PINLYP: variants seen among roughly 807,000 people sequenced by gnomAD.
The protein encoded by PINLYP is phospholipase A2 inhibitor and LY6/PLAUR domain containing.
Under a neutral mutation model 15.8 loss-of-function variants are expected in PINLYP, and 12 were observed. That is an observed-to-expected ratio of 0.76 (90% CI 0.49 to 1.23). PINLYP has a LOEUF of 1.23. Among genes scored for constraint, PINLYP ranks in the 50% most tolerant of loss-of-function variants. PINLYP has a pLI of 0.00. For synonymous variants in PINLYP, 93 were observed against 97.7 expected, an observed-to-expected ratio of 0.95 and a Z score of 0.28; for missense variants, 278 against 264.2, an observed-to-expected ratio of 1.05 and a Z score of -0.36.
chr19:43,578,376 C>T (rs941362877), intron 2 of PINLYP, among the ~76,000 whole-genome samples: 1 of 152,190 alleles, frequency 6.6e-6, no homozygotes, highest in African/African-American at 2.4e-5. Context: ...ATGGTGGAGT[C>T]GCTTCCCGCC....
In PINLYP at chr19:43,575,899, A is replaced by AT. The variant is rs1291614519; in HGVS notation, c.-1092dup. 6.5e-6 allele frequency: 1 copy of AT among 152,746 alleles called. No individual in the cohort carries two copies. The highest frequency in any genetic ancestry group is 1.5e-5 in the Non-Finnish European group (1 of 68,530). 9.5% of individuals were successfully genotyped at this position (152,746 alleles called of 1,614,324 possible). A position where few individuals can be genotyped will look rare whatever the true frequency, so the allele number is the denominator to read the frequency against. ...TTTTTGCTGTATTATTATTTATTTT[A>AT]TTTTTTAAAAATTTTTTGTTGAGAC... is the stretch of plus-strand genomic sequence containing the variant. On this transcript the variant is annotated 5_prime_UTR_variant, in exon 1 of 6. It removes the in-frame stop codon of an upstream open reading frame in the 5' UTR. Transcript: ENST00000599207.
intron 2 of PINLYP, 138 bp downstream of exon 2, chr19:43,577,399 G>A (rs1033094833): frequency 1.0e-6 from 1 of 980,402 alleles, no homozygotes; most frequent in Non-Finnish European, 1.4e-6. Flanking sequence ...TGGAAATTCA[G>A]ATTCATGGAA....
chr19:43,578,463 C>A, intron 2 of PINLYP, 127 bp from the exon 3 acceptor site: 2 of 612,540 alleles, frequency 3.3e-6, no homozygotes, highest in Non-Finnish European at 5.7e-6. Flanking sequence ...TGGTCAACAT[C>A]CCGCCCATGA....
intron 3 of PINLYP, 85 bp downstream of exon 3, chr19:43,578,791 CAT>C: frequency 9.4e-7 from 1 of 1,061,550 alleles, no homozygotes; most frequent in Non-Finnish European, 1.4e-6. Context: ...GGGGGATCAT[CAT>C]GGTTCTCAAG....
chr19:43,575,711 C>A, upstream of PINLYP: 1 of 392,648 alleles, frequency 2.5e-6, no homozygotes, highest in Non-Finnish European at 4.6e-6. Flanking sequence ...CCTCCCTCCG[C>A]CACACACAAC....
At chr19:43,578,790 T>C (rs1188445212) in intron 3 of PINLYP, 84 bp downstream of exon 3, 1 of 1,057,226 alleles carries the variant, frequency 9.5e-7, no homozygotes, top group Middle Eastern at 2.0e-4. Flanking sequence ...GGGGGGATCA[T>C]CATGGTTCTC....
intron 4 of PINLYP, 31 bp downstream of exon 4, chr19:43,581,395 C>G (rs895202124): frequency 4.8e-5 from 73 of 1,535,684 alleles, no homozygotes; most frequent in Non-Finnish European, 6.0e-5. Flanking sequence ...GGTGTGTGCT[C>G]TGGCTCTCCA....
intron 3 of PINLYP, chr19:43,580,603 C>G: frequency 1.1e-6 from 1 of 898,048 alleles, no homozygotes; most frequent in South Asian, 5.4e-5. Flanking sequence ...CCCGGAAGGA[C>G]AGGGAGAGAG....
At chr19:43,580,524 TGAG>T (rs1159692893) in intron 3 of PINLYP, 2 of 981,146 alleles carry the variant, frequency 2.0e-6, no homozygotes, top group Non-Finnish European at 2.4e-6. Context: ...GGCGGGGAGT[TGAG>T]GAGGCTGGAA....
Position 43,577,156 on chromosome 19 carries a change from A to G in PINLYP, c.-36A>G. Reference sequence around the variant, plus strand: ...GACCCACCCCTCCTCAGCTTCCTATAAAAGCTGGGGACCAGGTACTGCTGA... The same window carrying G: ...GACCCACCCCTCCTCAGCTTCCTATGAAAGCTGGGGACCAGGTACTGCTGA... On this transcript the variant is annotated 5_prime_UTR_variant, in exon 2 of 6. It adds an upstream start codon to the 5' untranslated region. Coordinates refer to ENST00000599207, the Ensembl canonical transcript of PINLYP. 1 of 1,535,870 alleles carries G rather than the reference A, an allele frequency of 6.5e-7. No homozygotes were observed. Among genetic ancestry groups the G allele is most frequent in the Non-Finnish European group, 8.7e-7 (1 of 1,146,732 alleles).
upstream of PINLYP, chr19:43,575,551 C>A (rs1029250794): frequency 4.9e-6 from 7 of 1,422,008 alleles, no homozygotes; most frequent in African/African-American, 1.4e-5. Flanking sequence ...GTGCGCCCTG[C>A]GCTGGCTAAA....
At chr19:43,578,971 A>C in intron 3 of PINLYP, 2 of 374,900 alleles carry the variant, frequency 5.3e-6, no homozygotes, top group Non-Finnish European at 1.0e-5. Context: ...GAGTTAATAG[A>C]CTTTCTTAGG....
rs1324299407 is a variant in PINLYP, at chr19:43,577,277, C to T, written c.70+16C>T. 6.5e-7 allele frequency: 1 copy of T among 1,534,614 alleles called. No homozygotes were observed. Among genetic ancestry groups the T allele is most frequent in the African/African-American group, 1.4e-5 (1 of 72,816 alleles). ...CTGGGTCTTGGTAAGTGACAAGGGA[C>T]CTGAACTGTCTCTGGGACCTCAGGA... On this transcript the variant is annotated intron_variant, in intron 2 of 5. Coordinates refer to ENST00000599207, the Ensembl canonical transcript of PINLYP.
At chr19:43,575,566 G>A, upstream of PINLYP, 1 of 1,251,978 alleles carries the variant, frequency 8.0e-7, no homozygotes, top group Non-Finnish European at 1.1e-6. Context: ...GCTAAAGTGC[G>A]CAAGCGCGCG....
chr19:43,578,481 G>A (rs560642286), intron 2 of PINLYP, 109 bp from the exon 3 acceptor site: 3 of 709,260 alleles, frequency 4.2e-6, no homozygotes, highest in South Asian at 3.6e-5. Context: ...TGAAAAACCA[G>A]GGAGCTGCTG....
chr19:43,575,613 G>A, upstream of PINLYP: 2 of 649,716 alleles, frequency 3.1e-6, no homozygotes, highest in South Asian at 2.3e-5. Flanking sequence ...CGCCGGCGCC[G>A]GCGTCGACAC....
chr19:43,577,475 C>T lies in PINLYP; in HGVS notation c.70+214C>T, dbSNP rs185456552. ...AGAAGAAAAGCTCCTGTGATTGGATCCCTGAGAGAGGGGCTTGGTGGGCTC... is the reference window on the plus strand; with the variant it reads ...AGAAGAAAAGCTCCTGTGATTGGATTCCTGAGAGAGGGGCTTGGTGGGCTC... On this transcript the variant is annotated intron_variant, in intron 2 of 5. Coordinates refer to ENST00000599207, the Ensembl canonical transcript of PINLYP. 1.2e-4 allele frequency among the ~76,000 whole-genome samples: 19 copies of T among 152,090 alleles called. No homozygotes were observed. In the East Asian group the frequency reaches 3.3e-3, roughly 26 times the overall value.
At chr19:43,581,591 C>A (rs780566432) in exon 5 of PINLYP, 1 of 1,536,420 alleles carries the variant, frequency 6.5e-7, no homozygotes, top group South Asian at 1.2e-5. Flanking sequence ...CTGAGAATGG[C>A]CTGATGTGCC....
intron 3 of PINLYP, among the ~76,000 whole-genome samples, chr19:43,580,119 C>T (rs1239973821): frequency 6.6e-6 from 1 of 151,928 alleles, no homozygotes; most frequent in Non-Finnish European, 1.5e-5. Flanking sequence ...AAACACTGGT[C>T]GGGAGAGGCT....
Sources: allele counts gnomAD v4.1 joint callset (sites outside exome capture counted in the v4.1 genomes callset), GRCh38; gene constraint gnomAD v4.1.1; transcripts MANE v1.5; gene names NCBI Gene and HGNC (gene_info 2026-07-23, HGNC 2026-07-21).